PIEZO2: variants seen among roughly 807,000 people sequenced by gnomAD.
PIEZO2 encodes piezo type mechanosensitive ion channel component 2.
A neutral mutation model predicts 337.3 loss-of-function variants in PIEZO2; 172 were observed. The observed-to-expected ratio is 0.51, with a 90% CI of 0.45 to 0.58. The LOEUF (loss-of-function observed/expected upper bound fraction) is 0.58. Ranked by LOEUF, PIEZO2 falls within the 20% of genes least tolerant of loss-of-function variation. The pLI, the probability that PIEZO2 is intolerant of heterozygous loss-of-function variation, is 0.00. For synonymous variants in PIEZO2, 1,251 were observed against 1,228.5 expected (o/e 1.02, Z -0.38); for missense variants, 3,028 against 3,391.3 (o/e 0.89, Z 2.66).
chr18:10,858,335 A>AC (rs2041779543), intron 5 of PIEZO2, among the ~76,000 whole-genome samples: 1 of 144,746 alleles, frequency 6.9e-6, no homozygotes, highest in South Asian at 2.2e-4. Context: ...AAAAAAAAAA[A>AC]AAAAAAAAAA....
chr18:10,693,819 G>A (rs148557929), intron 47 of PIEZO2, among the ~76,000 whole-genome samples: 120 of 152,192 alleles, frequency 7.9e-4, no homozygotes, highest in African/African-American at 2.8e-3. Context: ...CTTGGAAAGC[G>A]TTTTAAGGTG....
At chr18:10,809,566 C>T (rs2040120479) in intron 7 of PIEZO2, among the ~76,000 whole-genome samples, 4 of 124,052 alleles carry the variant, frequency 3.2e-5, no homozygotes, top group African/African-American at 1.2e-4. Flanking sequence ...CCGCACCTGG[C>T]ATCTCTCTCT....
chr18:10,728,061 A>T (rs2036613349), intron 36 of PIEZO2: 1 of 152,650 alleles, frequency 6.6e-6, no homozygotes, highest in African/African-American at 2.4e-5. Context: ...GAAAATGCTA[A>T]AAGTGTTTAA....
At chr18:11,043,002 A>G (rs2037177750) in intron 2 of PIEZO2, among the ~76,000 whole-genome samples, 1 of 152,216 alleles carries the variant, frequency 6.6e-6, no homozygotes. Context: ...TTGTTTGGCC[A>G]TAGAAAGGAG....
chr18:10,698,012 C>CATTTGTGAACAATTACTGA (rs1555626668), intron 44 of PIEZO2, 132 bp from the exon 45 acceptor site: 29,871 of 1,061,996 alleles, frequency 0.028, 613 homozygotes, highest in Middle Eastern at 0.045. Context: ...TGAGTATGCA[C>CATTTGTGAACAATTACTGA]GGCCTTGGGA....
intron 43 of PIEZO2, among the ~76,000 whole-genome samples, chr18:10,701,060 T>C (rs2035309601): frequency 6.6e-6 from 1 of 152,234 alleles, no homozygotes; most frequent in South Asian, 2.1e-4. Flanking sequence ...TGTGTGCATG[T>C]ATGTATATGT....
chr18:10,678,216 C>T (rs947573905), intron 52 of PIEZO2, among the ~76,000 whole-genome samples: 1 of 152,232 alleles, frequency 6.6e-6, no homozygotes, highest in Non-Finnish European at 1.5e-5. Context: ...CGGCAATAAA[C>T]AAACTCCATG....
At chr18:10,725,445 C>T in intron 36 of PIEZO2, 1 of 1,590,862 alleles carries the variant, frequency 6.3e-7, no homozygotes. Context: ...GGAGGGCATG[C>T]TGTGGCATGA....
At chr18:11,051,245 C>G (rs1189983581) in intron 2 of PIEZO2, among the ~76,000 whole-genome samples, 2 of 152,050 alleles carry the variant, frequency 1.3e-5, no homozygotes, top group Non-Finnish European at 2.9e-5. Context: ...AGACTGCATT[C>G]AGAACAAAGG....
At chr18:10,741,902 C>T (rs4797479) in intron 32 of PIEZO2, among the ~76,000 whole-genome samples, 33,433 of 151,832 alleles carry the variant, frequency 0.22, 3,914 homozygotes, top group South Asian at 0.29. Flanking sequence ...GCCTGTAATC[C>T]CAGCACTTTG....
chr18:10,983,419 G>A (rs895664172), intron 2 of PIEZO2, among the ~76,000 whole-genome samples: 1 of 152,144 alleles, frequency 6.6e-6, no homozygotes, highest in African/African-American at 2.4e-5. Flanking sequence ...ACAGAGGCCT[G>A]ATTGGCCTGC....
At chr18:11,057,873 G>A (rs113128775) in intron 2 of PIEZO2, among the ~76,000 whole-genome samples, 159 of 152,268 alleles carry the variant, frequency 1.0e-3, no homozygotes, top group African/African-American at 3.7e-3. Flanking sequence ...ATATCTAACT[G>A]CTGATCATCT....
intron 3 of PIEZO2, among the ~76,000 whole-genome samples, chr18:10,935,512 G>A (rs1598716308): frequency 6.6e-6 from 1 of 152,258 alleles, no homozygotes; most frequent in South Asian, 2.1e-4. Context: ...TCTGTTCCTG[G>A]TACTGTAGAT....
intron 52 of PIEZO2, 53 bp downstream of exon 52, chr18:10,680,146 C>A (rs2034198492): frequency 2.7e-6 from 4 of 1,475,946 alleles, no homozygotes; most frequent in Non-Finnish European, 2.8e-6. Flanking sequence ...TCCCCCAACT[C>A]CATGTTTAGA....
intron 1 of PIEZO2, among the ~76,000 whole-genome samples, chr18:11,136,965 T>C (rs1163388390): frequency 1.3e-4 from 20 of 152,224 alleles, no homozygotes; most frequent in Admixed American, 1.2e-3. Context: ...ATAATGTAGC[T>C]TGGTTTTCTT....
At chr18:10,966,928 G>T (rs2034024968) in intron 3 of PIEZO2, among the ~76,000 whole-genome samples, 1 of 151,892 alleles carries the variant, frequency 6.6e-6, no homozygotes, top group Non-Finnish European at 1.5e-5. Flanking sequence ...ATTCTATCTA[G>T]GTTGATGCAA....
intron 4 of PIEZO2, among the ~76,000 whole-genome samples, chr18:10,880,475 T>A (rs2042381355): frequency 6.6e-6 from 1 of 151,896 alleles, no homozygotes; most frequent in Admixed American, 6.6e-5. Flanking sequence ...AGAAGAAAAA[T>A]GTTGGAGTAT....
rs2036906350 is a variant in PIEZO2 at position 11,035,756 on chromosome 18, G to A, written c.160+30371C>T. Among the ~76,000 whole-genome samples, 1 of 152,196 alleles carries A rather than the reference G, an allele frequency of 6.6e-6. No homozygotes were observed. Among genetic ancestry groups the A allele is most frequent in the Admixed American group, 6.5e-5 (1 of 15,278 alleles). On this transcript the variant is annotated intron_variant, in intron 2 of 55. Coordinates refer to ENST00000674853, the MANE Select transcript of PIEZO2 (RefSeq NM_001378183.1). This position sits in a 1 kb window ranked among gnomAD's most constrained non-coding sequence, Gnocchi z 4.3. ...TATTCCACAAAACTACCTCTGGGAA[G>A]ATGAGCTAAACAGGTGCAGCACATA... is the stretch of plus-strand genomic sequence containing the variant.
chr18:10,720,409 GTATGTGTATGTATATATATA>G (rs1203239326), intron 36 of PIEZO2, among the ~76,000 whole-genome samples: 801 of 17,906 alleles, frequency 0.045, 76 homozygotes, highest in Middle Eastern at 0.056. Flanking sequence ...GTGTGTATGT[GTATGTGTATGTATATATATA>G]TATATATATA....
Sources: gnomAD v4.1 joint callset for allele counts (sites outside exome capture counted in the v4.1 genomes callset) on GRCh38, gnomAD v4.1.1 for gene constraint, Gnocchi (gnomAD v3.1) non-coding constraint, MANE v1.5 for transcripts, NCBI Gene and HGNC (gene_info 2026-07-23, HGNC 2026-07-21) for gene names.